Variants in CASD1 observed in about 807,000 individuals in gnomAD.
CASD1 encodes the protein N-acetylneuraminate (7)9-O-acetyltransferase.
A neutral mutation model predicts 100.0 loss-of-function variants in CASD1; 41 were observed. The observed-to-expected ratio is 0.41, with a 90% confidence interval of 0.32 to 0.53. The LOEUF (loss-of-function observed/expected upper bound fraction) is 0.53. Ranked by LOEUF, CASD1 falls within the 20% of genes least tolerant of loss-of-function variation. The probability of loss-of-function intolerance (pLI) is 0.25; values close to 1 mark genes in which losing one functional copy is unlikely to be tolerated. For missense variants in CASD1, 774 were observed against 948.7 expected, an observed-to-expected ratio of 0.82 and a Z score of 2.42; for synonymous variants, 321 against 315.6, an observed-to-expected ratio of 1.02 and a Z score of -0.18.
chr7:94,588,200 G>C, the CASD1 span: 7 of 1,071,446 alleles, frequency 6.5e-6, no homozygotes, highest in Non-Finnish European at 7.9e-6. Context: ...CCGCCATCTT[G>C]TTGTCATTGG....
the CASD1 span, among the ~76,000 whole-genome samples, chr7:94,611,157 G>T: frequency 1.3e-5 from 2 of 152,078 alleles, no homozygotes; most frequent in African/African-American, 4.8e-5. Context: ...ATATACTTCA[G>T]AAAAATGAAA....
At chr7:94,606,226 T>C in the CASD1 span, among the ~76,000 whole-genome samples, 1 of 152,132 alleles carries the variant, frequency 6.6e-6, no homozygotes, top group Admixed American at 6.5e-5. Context: ...ATACTCTTTA[T>C]AAAAAATATC....
the CASD1 span, among the ~76,000 whole-genome samples, chr7:94,582,201 TC>T: frequency 6.6e-6 from 1 of 152,228 alleles, no homozygotes; most frequent in African/African-American, 2.4e-5. Flanking sequence ...CACTGCAACT[TC>T]CATCTCCAGA....
At chr7:94,526,370 A>T (rs1794565855) in intron 3 of CASD1, among the ~76,000 whole-genome samples, 2 of 152,222 alleles carry the variant, frequency 1.3e-5, no homozygotes, top group African/African-American at 4.8e-5. Flanking sequence ...GCCTTGGGAA[A>T]TTCAGCCTGG....
the CASD1 span, among the ~76,000 whole-genome samples, chr7:94,581,808 C>CTGT: frequency 3.3e-5 from 5 of 152,176 alleles, no homozygotes; most frequent in Admixed American, 1.3e-4. Flanking sequence ...TACCTCTCTG[C>CTGT]TGTTGTGAAT....
At chr7:94,547,044 T>C in intron 12 of CASD1, 52 bp from the exon 13 acceptor site, 2 of 1,120,694 alleles carry the variant, frequency 1.8e-6, no homozygotes, top group Middle Eastern at 2.9e-4. Context: ...GTATTTAATA[T>C]GTTGTCTAAT....
At chr7:94,561,741 C>T (rs1796342933), downstream of CASD1, among the ~76,000 whole-genome samples, 1 of 152,060 alleles carries the variant, frequency 6.6e-6, no homozygotes, top group Admixed American at 6.6e-5. Flanking sequence ...TTTCTTAGAA[C>T]CCTAGGGTGG....
At chr7:94,592,652 TTAA>T in the CASD1 span, among the ~76,000 whole-genome samples, 2 of 152,228 alleles carry the variant, frequency 1.3e-5, no homozygotes, top group African/African-American at 4.8e-5. Flanking sequence ...AACTTGCAAA[TTAA>T]TAAATAAGTG....
intron 3 of CASD1, among the ~76,000 whole-genome samples, chr7:94,526,592 C>T (rs1794580488): frequency 6.6e-6 from 1 of 152,078 alleles, no homozygotes; most frequent in Non-Finnish European, 1.5e-5. Flanking sequence ...AGTTCGAGAC[C>T]AGCTGGGCAA....
the CASD1 span, among the ~76,000 whole-genome samples, chr7:94,610,660 C>CT: frequency 2.6e-5 from 4 of 151,998 alleles, no homozygotes; most frequent in South Asian, 4.1e-4. Flanking sequence ...AAATTGAACT[C>CT]TATCAAAATA....
chr7:94,563,880 T>C, the CASD1 span, among the ~76,000 whole-genome samples: 1 of 152,140 alleles, frequency 6.6e-6, no homozygotes, highest in Non-Finnish European at 1.5e-5. Context: ...CCCTGACTGC[T>C]GGACTCTTAA....
the CASD1 span, among the ~76,000 whole-genome samples, chr7:94,609,022 TACA>T: frequency 6.6e-6 from 1 of 152,160 alleles, no homozygotes; most frequent in Admixed American, 6.5e-5. Context: ...ATTTTTTAGT[TACA>T]ACACCAAAGG....
chr7:94,626,644 T>C, the CASD1 span: 1 of 152,032 alleles, frequency 6.6e-6, no homozygotes, highest in Non-Finnish European at 1.5e-5. Flanking sequence ...ATTGATGGTT[T>C]CCATTTCTTC....
chr7:94,531,235 G>T (rs561683659), intron 5 of CASD1, among the ~76,000 whole-genome samples: 7 of 151,984 alleles, frequency 4.6e-5, no homozygotes, highest in Non-Finnish European at 1.0e-4. Flanking sequence ...TATGAGAGTT[G>T]GAGGACATAA....
At chr7:94,623,484 C>T in the CASD1 span, 1 of 837,636 alleles carries the variant, frequency 1.2e-6, no homozygotes, top group Admixed American at 2.2e-5. Context: ...AACAAATTGT[C>T]ATTCTTTCCA....
At chr7:94,603,479 A>T in the CASD1 span, 2 of 1,607,370 alleles carry the variant, frequency 1.2e-6, no homozygotes, top group Non-Finnish European at 1.7e-6. Flanking sequence ...CTCTCAGGTT[A>T]TCCTTTAAGA....
At chr7:94,620,067 C>A in the CASD1 span, 1 of 152,140 alleles carries the variant, frequency 6.6e-6, no homozygotes, top group Non-Finnish European at 1.5e-5. Context: ...GTAGTAATTA[C>A]ACTATGTATA....
downstream of CASD1, among the ~76,000 whole-genome samples, chr7:94,558,254 A>G (rs78257566): frequency 0.015 from 2,211 of 152,278 alleles, 49 homozygotes; most frequent in African/African-American, 0.05. Flanking sequence ...GAATGACTTT[A>G]TACTAAAACC....
chr7:94,596,258 G>GCAAAATTT, the CASD1 span, among the ~76,000 whole-genome samples: 2 of 152,068 alleles, frequency 1.3e-5, no homozygotes, highest in Non-Finnish European at 2.9e-5. Context: ...TAGCAACATT[G>GCAAAATTT]CAAAATTCTA....
Sources: gnomAD v4.1 joint callset for allele counts (sites outside exome capture counted in the v4.1 genomes callset) on GRCh38, gnomAD v4.1.1 for gene constraint, MANE v1.5 for transcripts, NCBI Gene and HGNC (gene_info 2026-07-23, HGNC 2026-07-21) for gene names.